MAD1L1: variants seen among roughly 807,000 people sequenced by gnomAD.
MAD1L1 encodes mitotic spindle assembly checkpoint protein MAD1.
A neutral mutation model predicts 96.9 loss-of-function variants in MAD1L1; 95 were observed. The observed-to-expected ratio is 0.98, with a 90% CI of 0.83 to 1.16. The LOEUF (loss-of-function observed/expected upper bound fraction) is 1.16, where lower values mean the gene tolerates loss of function less well. Among genes scored for constraint, MAD1L1 ranks in the 50% most tolerant of loss-of-function variants. MAD1L1 has a pLI of 0.00. For missense variants in MAD1L1, 1,007 were observed against 954.4 expected (o/e 1.06, Z -0.73); for synonymous variants, 473 against 396.6 (o/e 1.19, Z -2.29).
intron 13 of MAD1L1, 64 bp downstream of exon 13, chr7:2,014,438 T>C: frequency 6.7e-7 from 1 of 1,495,076 alleles, no homozygotes; most frequent in Non-Finnish European, 8.9e-7. Flanking sequence ...CCGCAGGCTC[T>C]GCCAAGGCCC....
chr7:1,819,369 C>T (rs1270993558), intron 18 of MAD1L1, among the ~76,000 whole-genome samples: 10 of 152,154 alleles, frequency 6.6e-5, no homozygotes, highest in South Asian at 4.1e-4. Flanking sequence ...GGCTGGCGGG[C>T]GCCCTGGGGG....
At chr7:2,076,072 G>A (rs74449746) in intron 11 of MAD1L1, among the ~76,000 whole-genome samples, 1 of 152,374 alleles carries the variant, frequency 6.6e-6, no homozygotes, top group Non-Finnish European at 1.5e-5. Flanking sequence ...GACCTGATCC[G>A]ACCCTTGGGA....
At chr7:2,223,385 T>G (rs1415378183) in intron 4 of MAD1L1, 1 of 152,282 alleles carries the variant, frequency 6.6e-6, no homozygotes, top group African/African-American at 2.4e-5. Context: ...TCAGACCTCC[T>G]GACTCTAATG....
chr7:1,815,893 A>C lies in MAD1L1; in HGVS notation c.*177T>G. On this transcript the variant is annotated 3_prime_UTR_variant, in exon 19 of 19. Transcript: ENST00000265854. ...GGACGCATGGGGTCTGCACGTGGAGAGGGTGCTGGCCGCCCCAGCAGGAAG... is the reference window on the plus strand; with the variant it reads ...GGACGCATGGGGTCTGCACGTGGAGCGGGTGCTGGCCGCCCCAGCAGGAAG... The C allele has an allele frequency of 1.5e-6, 1 of 681,438 alleles. No homozygotes were observed. Among genetic ancestry groups the C allele is most frequent in the East Asian group, 2.9e-5 (1 of 35,018 alleles). The allele number at this position is 681,438 out of a possible 1,614,324, so 42.2% of individuals were successfully genotyped here. A position where few individuals can be genotyped will look rare whatever the true frequency, so the allele number is the denominator to read the frequency against.
chr7:2,039,764 G>A (rs983597940), intron 12 of MAD1L1, among the ~76,000 whole-genome samples: 3 of 152,038 alleles, frequency 2.0e-5, no homozygotes, highest in Non-Finnish European at 2.9e-5. Context: ...ATAACAAATC[G>A]TCTTTGTCAG....
At chr7:2,125,809 A>G (rs1788204658) in intron 11 of MAD1L1, among the ~76,000 whole-genome samples, 1 of 152,248 alleles carries the variant, frequency 6.6e-6, no homozygotes, top group Admixed American at 6.5e-5. Flanking sequence ...AGGAGACAAT[A>G]TCAAGAGAGA....
Position 1,968,543 on chromosome 7 carries a change from G to A in MAD1L1, c.1506-10824C>T, listed in dbSNP as rs1401168005. Among the ~76,000 whole-genome samples, 1 of 149,450 alleles carries A rather than the reference G, an allele frequency of 6.7e-6. No individual in the cohort carries two copies. Among genetic ancestry groups the A allele is most frequent in the Non-Finnish European group, 1.5e-5 (1 of 67,612 alleles). On this transcript the variant is annotated intron_variant, in intron 15 of 18. Coordinates refer to ENST00000265854, the MANE Select transcript of MAD1L1 (RefSeq NM_001013836.2). This position sits in a 1 kb window ranked among gnomAD's most constrained non-coding sequence, Gnocchi z 5.6. ...GTCCACCGTCAATGCCAGCGGTCAT[G>A]TCCACCATCAACGCCTCAGTCCAGC...
chr7:1,828,808 G>A lies in MAD1L1; in HGVS notation c.1999-12580C>T, dbSNP rs550087577. On this transcript the variant is annotated intron_variant, in intron 18 of 18. Transcript: ENST00000265854. The stretch of plus-strand genomic sequence containing the variant: ...GAAACAGACCTAGGGCTGACCTGAC[G>A]TCAGAAGCGGCAGATCACATTAAGT... Among the ~76,000 whole-genome samples the A allele has an allele frequency of 7.9e-5, 12 of 152,306 alleles. No individual in the cohort carries two copies. In the South Asian group the frequency reaches 1.5e-3, roughly 18 times the overall value.
chr7:2,156,804 A>G (rs1235712279), intron 10 of MAD1L1, among the ~76,000 whole-genome samples: 3 of 150,242 alleles, frequency 2.0e-5, no homozygotes, highest in Non-Finnish European at 3.0e-5. Flanking sequence ...CTGCGCAACA[A>G]GAGCAAGACT....
At position 1,816,100 on chromosome 7, in the gene MAD1L1, G is replaced by C. The variant is rs765437161; in HGVS notation, c.2127C>G (p.Leu709=). Residue 709 remains leucine, a synonymous_variant, in exon 19 of 19, where the codon CTC becomes CTG. Coordinates refer to ENST00000265854, the MANE Select transcript of MAD1L1 (RefSeq NM_001013836.2). The part of the protein sequence containing the change: ...SIPAFLSSLT[L]ELFSRQTVA ...CCACGGTCTGGCGGCTGAAGAGCTCGAGGGTGAGCGAGCTGAGGAAGGCAG... is the reference window on the plus strand; with the variant it reads ...CCACGGTCTGGCGGCTGAAGAGCTCCAGGGTGAGCGAGCTGAGGAAGGCAG... The C allele has an allele frequency of 5.0e-6, 8 of 1,612,180 alleles. No individual in the cohort carries two copies. The highest frequency in any genetic ancestry group is 1.9e-4 in the Middle Eastern group (1 of 5,356).
chr7:1,948,959 A>C (rs1712610782), intron 16 of MAD1L1, among the ~76,000 whole-genome samples: 4 of 152,192 alleles, frequency 2.6e-5, no homozygotes, highest in Admixed American at 2.0e-4. Flanking sequence ...ACACTCGTAC[A>C]ACACAGGAGG....
intron 18 of MAD1L1, among the ~76,000 whole-genome samples, chr7:1,851,790 G>A (rs995226999): frequency 1.3e-5 from 2 of 152,170 alleles, no homozygotes; most frequent in Non-Finnish European, 2.9e-5. Context: ...GGCGCAGAAG[G>A]GCCTAACTGA....
chr7:1,900,007 C>G (rs1040507177), intron 17 of MAD1L1, among the ~76,000 whole-genome samples: 2 of 152,222 alleles, frequency 1.3e-5, no homozygotes, highest in Non-Finnish European at 2.9e-5. Context: ...GCCTGCAACA[C>G]GGACACAGGC....
At chr7:2,203,144 C>G (rs1391788342) in intron 10 of MAD1L1, among the ~76,000 whole-genome samples, 1 of 152,208 alleles carries the variant, frequency 6.6e-6, no homozygotes, top group Non-Finnish European at 1.5e-5. Flanking sequence ...GATTCAGGCA[C>G]AACGGGACAG....
chr7:1,910,491 G>A lies in MAD1L1; in HGVS notation c.1808-12101C>T, dbSNP rs188061023. Reference sequence around the variant, plus strand: ...AGGGGACCCCTTGAACACCCGCCGCGGAGCCAAAGCTGGAGCCCACGCTGG... The same window carrying A: ...AGGGGACCCCTTGAACACCCGCCGCAGAGCCAAAGCTGGAGCCCACGCTGG... On this transcript the variant is annotated intron_variant, in intron 17 of 18. Transcript: ENST00000265854. Among the ~76,000 whole-genome samples the A allele has an allele frequency of 2.8e-3, 430 of 152,328 alleles. 4 individuals carry two copies. Among genetic ancestry groups the A allele is most frequent in the South Asian group, 4.4e-3 (21 of 4,826 alleles).
chr7:1,919,615 G>A (rs1394959834), intron 17 of MAD1L1, among the ~76,000 whole-genome samples: 4 of 152,210 alleles, frequency 2.6e-5, no homozygotes, highest in Non-Finnish European at 5.9e-5. Flanking sequence ...CGCCATCGTC[G>A]CCATCACCAT....
chr7:1,879,657 G>C, intron 18 of MAD1L1, among the ~76,000 whole-genome samples: 1 of 152,178 alleles, frequency 6.6e-6, no homozygotes, highest in East Asian at 1.9e-4. Context: ...TTACTATAAA[G>C]CTGCAGTATT....
At chr7:2,161,251 C>T (rs962598522) in intron 10 of MAD1L1, among the ~76,000 whole-genome samples, 2 of 151,836 alleles carry the variant, frequency 1.3e-5, no homozygotes, top group Admixed American at 6.5e-5. Context: ...AGATTGCAGG[C>T]GCGCGCCGCC....
Position 2,013,922 on chromosome 7 carries a change from T to A in MAD1L1, c.1359+580A>T, listed in dbSNP as rs1250778200. On this transcript the variant is annotated intron_variant, in intron 13 of 18. Transcript: ENST00000265854. ...GGGCACGGAGCGTCACGGTGGCCCA[T>A]GGGGCAGGGAAAAGGCAGAAGCCAA... Among the ~76,000 whole-genome samples the A allele has an allele frequency of 2.0e-5, 3 of 152,240 alleles. No homozygotes were observed. The East Asian group carries it at 5.8e-4, about 30-fold the overall frequency.
Sources: allele counts gnomAD v4.1 joint callset (sites outside exome capture counted in the v4.1 genomes callset), GRCh38; gene constraint gnomAD v4.1.1; non-coding constraint Gnocchi (gnomAD v3.1); transcripts MANE v1.5; gene names NCBI Gene and HGNC (gene_info 2026-07-23, HGNC 2026-07-21).